Variants in CAPZB observed in about 807,000 individuals in gnomAD.
CAPZB encodes F-actin-capping protein subunit beta.
A neutral mutation model predicts 38.1 loss-of-function variants in CAPZB; 2 were observed. The observed-to-expected ratio is 0.05, with a 90% CI of 0.02 to 0.17. The LOEUF is 0.17. Ranked by LOEUF, CAPZB falls within the 10% of genes least tolerant of loss-of-function variation. CAPZB has a pLI of 1.00. For missense variants in CAPZB, 161 were observed against 334.2 expected (o/e 0.48, Z 4.04); for synonymous variants, 107 against 127.4 (o/e 0.84, Z 1.08).
At chr1:19,413,940 T>C (rs1364292988) in intron 2 of CAPZB, among the ~76,000 whole-genome samples, 1 of 152,232 alleles carries the variant, frequency 6.6e-6, no homozygotes, top group African/African-American at 2.4e-5. Flanking sequence ...TATTAAAGAC[T>C]GAAAACTGAG....
intron 4 of CAPZB, among the ~76,000 whole-genome samples, chr1:19,361,418 C>G (rs912313535): frequency 1.3e-5 from 2 of 152,180 alleles, no homozygotes; most frequent in Non-Finnish European, 2.9e-5. Context: ...CCTGACATTC[C>G]GAGACAAAGG....
At chr1:19,352,497 G>A (rs752507214) in intron 6 of CAPZB, among the ~76,000 whole-genome samples, 5 of 152,252 alleles carry the variant, frequency 3.3e-5, no homozygotes, top group Non-Finnish European at 7.3e-5. Context: ...TCACATAGGA[G>A]AAGTGACCTC....
At position 19,357,632 on chromosome 1, in the gene CAPZB, C is replaced by T; in HGVS notation, c.330-69G>A. ...GATCATCAGCCTGGGTCCCAGGCTG[C>T]TGCTCAGCAAAGATTCTGGGATTCA... On this transcript the variant is annotated intron_variant, in intron 4 of 8. Transcript: ENST00000264202. This position sits in a 1 kb window ranked among gnomAD's most constrained non-coding sequence, Gnocchi z 4.3. 2 of 1,497,230 alleles carry T rather than the reference C, an allele frequency of 1.3e-6. No individual in the cohort carries two copies. The highest frequency in any genetic ancestry group is 1.8e-6 in the Non-Finnish European group (2 of 1,082,728). 92.7% of individuals were successfully genotyped at this position (1,497,230 alleles called of 1,614,324 possible).
chr1:19,374,941 C>A (rs918685770), intron 4 of CAPZB, among the ~76,000 whole-genome samples: 1 of 152,198 alleles, frequency 6.6e-6, no homozygotes, highest in East Asian at 1.9e-4. Flanking sequence ...TGGCCTACTG[C>A]CTCTCCACCC....
chr1:19,472,202 T>C (rs2094591018), intron 1 of CAPZB, among the ~76,000 whole-genome samples: 1 of 152,184 alleles, frequency 6.6e-6, no homozygotes, highest in Admixed American at 6.5e-5. Context: ...GAATATTACC[T>C]AGTGCAAAGT....
chr1:19,432,302 C>T lies in CAPZB; in HGVS notation c.4-12552G>A, dbSNP rs151112145. Among the ~76,000 whole-genome samples, 19 of 150,270 alleles carry T rather than the reference C, an allele frequency of 1.3e-4. No individual in the cohort carries two copies. In the South Asian group the frequency reaches 3.2e-3, roughly 25 times the overall value. On this transcript the variant is annotated intron_variant, in intron 1 of 8. Transcript: ENST00000264202. Reference sequence around the variant, plus strand: ...ATCCAAAATACAAAAATTAGCCAGGCGTGGTGGTGTATGCCTGTAGTCCTA... The same window carrying T: ...ATCCAAAATACAAAAATTAGCCAGGTGTGGTGGTGTATGCCTGTAGTCCTA...
chr1:19,426,715 C>T (rs1248506356), intron 1 of CAPZB, among the ~76,000 whole-genome samples: 1 of 152,226 alleles, frequency 6.6e-6, no homozygotes, highest in Non-Finnish European at 1.5e-5. Context: ...AGCTATCTGA[C>T]TGCAATAGTA....
intron 1 of CAPZB, chr1:19,448,935 T>C (rs953469524): frequency 9.3e-6 from 15 of 1,612,624 alleles, no homozygotes; most frequent in Non-Finnish European, 1.3e-5. Context: ...GATGGGTTAA[T>C]AACAATCGTT....
At chr1:19,444,392 A>G (rs886139199) in intron 1 of CAPZB, among the ~76,000 whole-genome samples, 1 of 152,080 alleles carries the variant, frequency 6.6e-6, no homozygotes, top group African/African-American at 2.4e-5. Flanking sequence ...TTATTAAAAC[A>G]CTCTAGGGTC....
intron 4 of CAPZB, among the ~76,000 whole-genome samples, chr1:19,363,325 T>C (rs541344473): frequency 1.3e-5 from 2 of 149,720 alleles, no homozygotes; most frequent in Middle Eastern, 3.2e-3. Flanking sequence ...TCAAGCCGTT[T>C]ATCAGCACAG....
chr1:19,483,429 A>T (rs1370249832), intron 1 of CAPZB, among the ~76,000 whole-genome samples: 1 of 152,156 alleles, frequency 6.6e-6, no homozygotes, highest in Non-Finnish European at 1.5e-5. Flanking sequence ...TCATCTATAA[A>T]ATGGGGACAG....
At chr1:19,421,618 C>T (rs370387673) in intron 1 of CAPZB, among the ~76,000 whole-genome samples, 5 of 151,910 alleles carry the variant, frequency 3.3e-5, no homozygotes, top group African/African-American at 9.7e-5. Context: ...ATGGGTTTGG[C>T]CCACTGGCAT....
At chr1:19,390,330 C>T (rs2094226486) in intron 2 of CAPZB, among the ~76,000 whole-genome samples, 1 of 152,216 alleles carries the variant, frequency 6.6e-6, no homozygotes, top group Non-Finnish European at 1.5e-5. Context: ...GCCTCCAAAG[C>T]CAGGGAGGGC....
intron 1 of CAPZB, among the ~76,000 whole-genome samples, chr1:19,479,141 C>T (rs527829976): frequency 1.4e-4 from 21 of 152,270 alleles, no homozygotes; most frequent in Admixed American, 3.9e-4. Context: ...GTCTAGGAGA[C>T]GGAGGTTGCA....
chr1:19,462,923 T>A (rs763923539), intron 1 of CAPZB, among the ~76,000 whole-genome samples: 4 of 152,376 alleles, frequency 2.6e-5, no homozygotes, highest in Non-Finnish European at 5.9e-5. Context: ...ACATTTCAAG[T>A]GCTCAAGAGC....
intron 1 of CAPZB, among the ~76,000 whole-genome samples, chr1:19,464,370 C>A (rs1024956123): frequency 6.9e-6 from 1 of 144,824 alleles, no homozygotes; most frequent in Non-Finnish European, 1.5e-5. Flanking sequence ...CGGCTCACTG[C>A]AAGCTCCACC....
At chr1:19,436,681 C>T (rs1442695182) in intron 1 of CAPZB, among the ~76,000 whole-genome samples, 1 of 149,374 alleles carries the variant, frequency 6.7e-6, no homozygotes, top group Non-Finnish European at 1.5e-5. Context: ...TAAGGAGGGA[C>T]AACTGCTATA....
At chr1:19,342,762 T>G in intron 8 of CAPZB, 1 of 1,608,238 alleles carries the variant, frequency 6.2e-7, no homozygotes, top group Admixed American at 1.7e-5. Context: ...CTGGATCGGC[T>G]TAATTATCAG....
Position 19,484,113 on chromosome 1 carries a change from T to C in CAPZB, c.3+1323A>G, listed in dbSNP as rs941901551. ...TGTGAAACCCCAGGTTCCTCAAAAG[T>C]CTGGATAGCATCTGCCTTCTTTACC... On this transcript the variant is annotated intron_variant, in intron 1 of 8. Coordinates refer to ENST00000264202, the MANE Select transcript of CAPZB (RefSeq NM_004930.5). The C allele has an allele frequency of 1.3e-6, 2 of 1,492,348 alleles. 1 individual carries two copies. Among genetic ancestry groups the C allele is most frequent in the Admixed American group, 4.0e-5 (2 of 50,252 alleles). 92.4% of individuals were successfully genotyped at this position (1,492,348 alleles called of 1,614,324 possible).
Sources: allele counts gnomAD v4.1 joint callset (sites outside exome capture counted in the v4.1 genomes callset), GRCh38; gene constraint gnomAD v4.1.1; non-coding constraint Gnocchi (gnomAD v3.1); transcripts MANE v1.5; gene names NCBI Gene and HGNC (gene_info 2026-07-23, HGNC 2026-07-21).